Variants in ULK4 observed in about 807,000 individuals in gnomAD.
ULK4 encodes the protein inactive serine/threonine-protein kinase ULK4.
ULK4 carries 133 observed loss-of-function variants against 160.6 expected under a neutral mutation model. That is an observed-to-expected ratio of 0.83 (90% CI 0.72 to 0.96). ULK4 has a LOEUF of 0.96. Among genes scored for constraint, ULK4 ranks in the 40% least tolerant of loss-of-function variants. The probability of loss-of-function intolerance (pLI) is 0.00; values close to 1 mark genes in which losing one functional copy is unlikely to be tolerated. For synonymous variants in ULK4, 534 were observed against 539.8 expected, an observed-to-expected ratio of 0.99 and a Z score of 0.15; for missense variants, 1,580 against 1,499.5, an observed-to-expected ratio of 1.05 and a Z score of -0.89.
intron 17 of ULK4, among the ~76,000 whole-genome samples, chr3:41,851,482 T>C (rs2042211518): frequency 6.6e-6 from 1 of 152,212 alleles, no homozygotes; most frequent in Admixed American, 6.5e-5. Flanking sequence ...GGTTTGCCAG[T>C]ATTTTATTGA....
chr3:41,803,532 T>C (rs976237212), intron 19 of ULK4, among the ~76,000 whole-genome samples: 2 of 152,080 alleles, frequency 1.3e-5, no homozygotes, highest in African/African-American at 4.8e-5. Context: ...ATGTGCACAA[T>C]GTGCAGGTTA....
At chr3:41,492,828 A>C (rs2084836155) in intron 32 of ULK4, among the ~76,000 whole-genome samples, 1 of 141,784 alleles carries the variant, frequency 7.1e-6, no homozygotes, top group South Asian at 2.4e-4. Context: ...AAACAGACAA[A>C]GAAGGCCATT....
At chr3:41,348,025 T>C (rs868207410) in intron 35 of ULK4, among the ~76,000 whole-genome samples, 8 of 151,616 alleles carry the variant, frequency 5.3e-5, no homozygotes, top group Non-Finnish European at 1.2e-4. Flanking sequence ...CTGGCCAATA[T>C]GGTGAAACCC....
intron 21 of ULK4, among the ~76,000 whole-genome samples, chr3:41,766,002 G>A (rs1189907437): frequency 6.6e-6 from 1 of 152,208 alleles, no homozygotes; most frequent in Non-Finnish European, 1.5e-5. Flanking sequence ...CAGGCGTGGT[G>A]GCTCATGCCT....
chr3:41,493,854 A>C (rs1287611035), intron 32 of ULK4, among the ~76,000 whole-genome samples: 1 of 143,112 alleles, frequency 7.0e-6, no homozygotes, highest in African/African-American at 2.6e-5. Context: ...TCCTCGACAC[A>C]TACACCCTCC....
intron 35 of ULK4, among the ~76,000 whole-genome samples, chr3:41,280,533 C>T (rs2079330649): frequency 6.6e-6 from 1 of 152,194 alleles, no homozygotes; most frequent in Non-Finnish European, 1.5e-5. Flanking sequence ...TACATGGAAA[C>T]TGAACAACCT....
intron 35 of ULK4, among the ~76,000 whole-genome samples, chr3:41,392,770 T>C (rs1240442846): frequency 6.6e-6 from 1 of 152,162 alleles, no homozygotes; most frequent in Non-Finnish European, 1.5e-5. Context: ...CTTTTCCTCC[T>C]TAACTTCTTA....
chr3:41,608,320 A>T (rs923217037), intron 31 of ULK4, among the ~76,000 whole-genome samples: 1 of 152,346 alleles, frequency 6.6e-6, no homozygotes, highest in African/African-American at 2.4e-5. Flanking sequence ...TGCAAAGAGC[A>T]TCAAAAGCAA....
At chr3:41,545,919 T>C (rs768012058) in intron 32 of ULK4, among the ~76,000 whole-genome samples, 4 of 152,218 alleles carry the variant, frequency 2.6e-5, no homozygotes, top group Non-Finnish European at 4.4e-5. Context: ...TACTGAACTT[T>C]GCAGTTTAAG....
chr3:41,387,342 T>C (rs1366650813), intron 35 of ULK4, among the ~76,000 whole-genome samples: 1 of 152,074 alleles, frequency 6.6e-6, no homozygotes, highest in Non-Finnish European at 1.5e-5. Flanking sequence ...CTTATTCCTC[T>C]TATTTAGCTG....
rs142837284 is a variant in ULK4 at position 41,920,044 on chromosome 3, A to G, written c.542-226T>C. ...AGTGTTTAAAATCTACCTGAGAGGTATGGCACATTCAGCTACATTCTTCTT... is the reference window on the plus strand; with the variant it reads ...AGTGTTTAAAATCTACCTGAGAGGTGTGGCACATTCAGCTACATTCTTCTT... On this transcript the variant is annotated intron_variant, in intron 5 of 36. Transcript: ENST00000301831. Among the ~76,000 whole-genome samples, 679 of 152,308 alleles carry G rather than the reference A, an allele frequency of 4.5e-3. 4 individuals are homozygous for G. Among genetic ancestry groups the G allele is most frequent in the African/African-American group, 0.016 (656 of 41,530 alleles).
At chr3:41,907,158 A>T (rs1240561086) in intron 12 of ULK4, among the ~76,000 whole-genome samples, 1 of 152,222 alleles carries the variant, frequency 6.6e-6, no homozygotes, top group Non-Finnish European at 1.5e-5. Flanking sequence ...AGCATGGAAA[A>T]GTACTGGAGA....
chr3:41,387,733 A>T (rs1226045864), intron 35 of ULK4, among the ~76,000 whole-genome samples: 1 of 152,172 alleles, frequency 6.6e-6, no homozygotes, highest in East Asian at 1.9e-4. Context: ...ATAGTATTCC[A>T]TGGTGTATAT....
intron 35 of ULK4, among the ~76,000 whole-genome samples, chr3:41,375,996 A>G (rs1278504323): frequency 1.3e-5 from 2 of 150,486 alleles, no homozygotes; most frequent in Non-Finnish European, 2.9e-5. Flanking sequence ...CACTTCTCAA[A>G]CGAAGACATT....
intron 31 of ULK4, among the ~76,000 whole-genome samples, chr3:41,586,792 A>C (rs1004872301): frequency 4.6e-5 from 7 of 152,194 alleles, no homozygotes; most frequent in Non-Finnish European, 1.0e-4. Flanking sequence ...AAAAAGAAGG[A>C]AAAGATGAAA....
At chr3:41,321,546 G>A (rs1044094065) in intron 35 of ULK4, among the ~76,000 whole-genome samples, 1 of 151,982 alleles carries the variant, frequency 6.6e-6, no homozygotes, top group Non-Finnish European at 1.5e-5. Context: ...CGACCATCAC[G>A]TGATGGTCAG....
chr3:41,658,096 C>T (rs150664854), intron 30 of ULK4, among the ~76,000 whole-genome samples: 151 of 152,274 alleles, frequency 9.9e-4, no homozygotes, highest in African/African-American at 3.4e-3. Context: ...ACTTAATCGT[C>T]ACATAAGGGA....
chr3:41,761,484 A>G (rs1161812946), intron 21 of ULK4, among the ~76,000 whole-genome samples: 1 of 151,184 alleles, frequency 6.6e-6, no homozygotes, highest in African/African-American at 2.4e-5. Context: ...TAAACAGTAG[A>G]GCAACCACCT....
chr3:41,825,686 G>T (rs1037599176), intron 18 of ULK4, among the ~76,000 whole-genome samples: 1 of 152,218 alleles, frequency 6.6e-6, no homozygotes, highest in African/African-American at 2.4e-5. Context: ...CGTCTGATTG[G>T]TGTACCTGAA....
Sources: gnomAD v4.1 joint callset for allele counts (sites outside exome capture counted in the v4.1 genomes callset) on GRCh38, gnomAD v4.1.1 for gene constraint, MANE v1.5 for transcripts, NCBI Gene and HGNC (gene_info 2026-07-23, HGNC 2026-07-21) for gene names.